Variants in ARHGAP24 observed in about 807,000 individuals in gnomAD.
ARHGAP24 encodes the protein rho GTPase-activating protein 24.
A neutral mutation model predicts 76.4 loss-of-function variants in ARHGAP24; 50 were observed. The ratio of observed to expected loss-of-function variants is 0.65; its 90% CI spans 0.52 to 0.83. The LOEUF (loss-of-function observed/expected upper bound fraction) is 0.83. ARHGAP24 is among the 40% of genes least tolerant of loss of function. The probability of loss-of-function intolerance (pLI) is 0.00; values close to 1 mark genes in which losing one functional copy is unlikely to be tolerated. For synonymous variants in ARHGAP24, 345 were observed against 323.3 expected, an observed-to-expected ratio of 1.07 and a Z score of -0.72; for missense variants, 930 against 914.2, an observed-to-expected ratio of 1.02 and a Z score of -0.22.
intron 3 of ARHGAP24, among the ~76,000 whole-genome samples, chr4:85,736,745 TC>T (rs1409045262): frequency 6.6e-6 from 1 of 152,154 alleles, no homozygotes; most frequent in Non-Finnish European, 1.5e-5. Context: ...TTAGGCAATT[TC>T]TCTAATTCTT....
chr4:85,724,198 A>G (rs1317263296), intron 3 of ARHGAP24, among the ~76,000 whole-genome samples: 2 of 152,172 alleles, frequency 1.3e-5, no homozygotes, highest in East Asian at 1.9e-4. Flanking sequence ...AATTCTTTCA[A>G]TTGCCACTTC....
chr4:85,502,844 T>C (rs1037307531), intron 1 of ARHGAP24, among the ~76,000 whole-genome samples: 1 of 152,180 alleles, frequency 6.6e-6, no homozygotes, highest in African/African-American at 2.4e-5. Flanking sequence ...CAGAGTGATA[T>C]TGGCTTTGTT....
chr4:85,577,958 A>G lies in ARHGAP24; in HGVS notation c.180+7237A>G, dbSNP rs557879418. ...GAGAGAGAGATTTGGAGAAGAAAGCAGAGGCAAGTTTGTTAAGAGTCCAGA... is the reference window on the plus strand; with the variant it reads ...GAGAGAGAGATTTGGAGAAGAAAGCGGAGGCAAGTTTGTTAAGAGTCCAGA... On this transcript the variant is annotated intron_variant, in intron 2 of 9. Coordinates refer to ENST00000395184, the MANE Select transcript of ARHGAP24 (RefSeq NM_001025616.3). Among the ~76,000 whole-genome samples the G allele has an allele frequency of 4.6e-5, 7 of 152,348 alleles. No homozygotes were observed. The South Asian group carries it at 6.2e-4, about 14-fold the overall frequency.
intron 2 of ARHGAP24, among the ~76,000 whole-genome samples, chr4:85,708,110 C>A (rs1360664532): frequency 6.6e-6 from 1 of 152,068 alleles, no homozygotes; most frequent in East Asian, 1.9e-4. Context: ...ACAGACATAT[C>A]AAATACTTTC....
chr4:85,813,622 A>G (rs1205194336), intron 3 of ARHGAP24, among the ~76,000 whole-genome samples: 5 of 151,908 alleles, frequency 3.3e-5, no homozygotes. Flanking sequence ...CTTATGAAAA[A>G]ATAATTTTAT....
intron 1 of ARHGAP24, among the ~76,000 whole-genome samples, chr4:85,512,629 A>T (rs1243596771): frequency 6.6e-6 from 1 of 152,246 alleles, no homozygotes; most frequent in Non-Finnish European, 1.5e-5. Context: ...AGAATAACTC[A>T]GAGCTGTGAG....
chr4:85,476,770 CAGAA>C (rs1449229159), intron 1 of ARHGAP24, among the ~76,000 whole-genome samples: 1 of 152,170 alleles, frequency 6.6e-6, no homozygotes, highest in Non-Finnish European at 1.5e-5. Flanking sequence ...ATAAAACACA[CAGAA>C]TGTATGTATT....
At chr4:85,611,862 C>T (rs1411953305) in intron 2 of ARHGAP24, among the ~76,000 whole-genome samples, 2 of 152,150 alleles carry the variant, frequency 1.3e-5, no homozygotes, top group South Asian at 2.1e-4. Context: ...CTGTGGCAAA[C>T]AAGTTGTTTC....
At position 85,854,437 on chromosome 4, in the gene ARHGAP24, C is replaced by T. The variant is rs1180463776; in HGVS notation, c.269-69211C>T. Among the ~76,000 whole-genome samples, 7 of 152,118 alleles carry T rather than the reference C, an allele frequency of 4.6e-5. 1 individual carries two copies. The highest frequency in any genetic ancestry group is 1.7e-4 in the African/African-American group (7 of 41,424). On this transcript the variant is annotated intron_variant, in intron 3 of 9. Transcript: ENST00000395184. ...ATAATGAGTAACATCCTAAGACTAG[C>T]ACATTGTCAATTTGTTTTCTGAAAA...
chr4:85,847,933 A>G (rs561287425), intron 3 of ARHGAP24, among the ~76,000 whole-genome samples: 1 of 152,198 alleles, frequency 6.6e-6, no homozygotes, highest in Non-Finnish European at 1.5e-5. Flanking sequence ...AACAATGCTC[A>G]TTTTTCAGTT....
At chr4:85,685,605 G>A (rs2110013708) in intron 2 of ARHGAP24, among the ~76,000 whole-genome samples, 1 of 139,262 alleles carries the variant, frequency 7.2e-6, no homozygotes, top group African/African-American at 3.2e-5. Flanking sequence ...TTCACTCCAG[G>A]CTGGGCGACA....
chr4:85,732,112 T>C (rs1725432554), intron 3 of ARHGAP24, among the ~76,000 whole-genome samples: 2 of 152,326 alleles, frequency 1.3e-5, no homozygotes, highest in Non-Finnish European at 2.9e-5. Context: ...GGGCTTTCAA[T>C]CTAATCAAGC....
At chr4:85,541,154 T>A (rs1446787653) in intron 1 of ARHGAP24, among the ~76,000 whole-genome samples, 1 of 99,986 alleles carries the variant, frequency 1.0e-5, no homozygotes, top group African/African-American at 8.3e-5. Context: ...TTTTTTTTTT[T>A]TTTTTTTTTT....
chr4:85,746,843 C>T (rs751630932), intron 3 of ARHGAP24, among the ~76,000 whole-genome samples: 44 of 151,788 alleles, frequency 2.9e-4, no homozygotes, highest in Admixed American at 4.6e-4. Context: ...TTAGTAGAGA[C>T]GGGGTTTCAC....
At chr4:85,726,032 C>A (rs1164187138) in intron 3 of ARHGAP24, among the ~76,000 whole-genome samples, 1 of 152,138 alleles carries the variant, frequency 6.6e-6, no homozygotes, top group African/African-American at 2.4e-5. Context: ...CCTAGTCCTC[C>A]CCCTCAAAAA....
intron 1 of ARHGAP24, among the ~76,000 whole-genome samples, chr4:85,553,280 G>A (rs1307243423): frequency 6.6e-6 from 1 of 152,128 alleles, no homozygotes; most frequent in Non-Finnish European, 1.5e-5. Context: ...TACACAGCAG[G>A]GAAGGGGACC....
At chr4:85,805,896 A>G (rs1254705575) in intron 3 of ARHGAP24, among the ~76,000 whole-genome samples, 1 of 152,176 alleles carries the variant, frequency 6.6e-6, no homozygotes, top group Non-Finnish European at 1.5e-5. Context: ...GTCTCTCTAG[A>G]AGAATGCACA....
At chr4:85,989,789 G>A (rs376573989) in intron 8 of ARHGAP24, among the ~76,000 whole-genome samples, 6 of 151,114 alleles carry the variant, frequency 4.0e-5, no homozygotes, top group South Asian at 2.1e-4. Context: ...AAATCATCGC[G>A]GATGCAGATA....
chr4:85,811,178 T>C (rs922379093), intron 3 of ARHGAP24, among the ~76,000 whole-genome samples: 2 of 152,222 alleles, frequency 1.3e-5, no homozygotes, highest in Non-Finnish European at 2.9e-5. Context: ...TCTTGAGAAG[T>C]TTATTTAAAA....
Sources: gnomAD v4.1 joint callset for allele counts (sites outside exome capture counted in the v4.1 genomes callset) on GRCh38, gnomAD v4.1.1 for gene constraint, MANE v1.5 for transcripts, NCBI Gene and HGNC (gene_info 2026-07-23, HGNC 2026-07-21) for gene names.